The following MICAL3 variants were observed in gnomAD, a reference collection of about 807,000 sequenced individuals.
The protein encoded by MICAL3 is [F-actin]-monooxygenase MICAL3.
In MICAL3, 62 loss-of-function variants were observed where a neutral mutation model predicts 207.4. The observed-to-expected ratio is 0.30, with a 90% CI of 0.24 to 0.37. The LOEUF (loss-of-function observed/expected upper bound fraction) is 0.37. MICAL3 is among the 10% of genes least tolerant of loss of function. MICAL3 has a pLI of 1.00. For missense variants in MICAL3, 2,368 were observed against 2,635.6 expected (o/e 0.90, Z 2.22); for synonymous variants, 1,077 against 1,069.3 (o/e 1.01, Z -0.14).
intron 1 of MICAL3, among the ~76,000 whole-genome samples, chr22:17,930,980 C>T (rs1253720102): frequency 6.6e-6 from 1 of 152,222 alleles, no homozygotes; most frequent in Admixed American, 6.5e-5. Context: ...CAGCGCCTCC[C>T]AACGCCCCCT....
chr22:17,877,300 A>C (rs1928768993), intron 16 of MICAL3, among the ~76,000 whole-genome samples: 3 of 125,176 alleles, frequency 2.4e-5, no homozygotes, highest in Admixed American at 7.5e-5. Context: ...GAGGTTAGGG[A>C]GGTTATGGAG....
At chr22:18,006,889 C>G (rs1177307071) in intron 1 of MICAL3, among the ~76,000 whole-genome samples, 3 of 152,248 alleles carry the variant, frequency 2.0e-5, no homozygotes, top group African/African-American at 7.2e-5. Flanking sequence ...CGGAGTCCCT[C>G]TCAGCCACCC....
chr22:17,995,145 ACTT>A (rs1300650127), intron 1 of MICAL3, among the ~76,000 whole-genome samples: 1 of 151,980 alleles, frequency 6.6e-6, no homozygotes, highest in Non-Finnish European at 1.5e-5. Flanking sequence ...CAACAGTCTC[ACTT>A]CTTCTCTCTT....
intron 16 of MICAL3, among the ~76,000 whole-genome samples, chr22:17,880,728 G>C (rs1321893239): frequency 6.6e-6 from 1 of 152,184 alleles, no homozygotes; most frequent in South Asian, 2.1e-4. Context: ...CAAGTGCAGT[G>C]GGGAGGAGTG....
intron 16 of MICAL3, among the ~76,000 whole-genome samples, chr22:17,874,524 T>C (rs908182652): frequency 2.0e-5 from 3 of 152,188 alleles, no homozygotes; most frequent in African/African-American, 7.2e-5. Context: ...GAACTAAACC[T>C]GGGGCTGCCC....
intron 1 of MICAL3, among the ~76,000 whole-genome samples, chr22:17,932,510 C>A (rs991933074): frequency 5.9e-5 from 9 of 152,162 alleles, no homozygotes; most frequent in Non-Finnish European, 1.0e-4. Flanking sequence ...TCAGTACCAA[C>A]CAATGCAAAA....
At chr22:17,890,737 C>A (rs2146231375) in intron 12 of MICAL3, among the ~76,000 whole-genome samples, 1 of 152,268 alleles carries the variant, frequency 6.6e-6, no homozygotes, top group Middle Eastern at 3.4e-3. Context: ...TTAAGTGGAC[C>A]TAATGATGAA....
intron 24 of MICAL3, 69 bp from the exon 25 acceptor site, chr22:17,821,578 G>A: frequency 7.6e-7 from 1 of 1,309,498 alleles, no homozygotes; most frequent in Non-Finnish European, 1.1e-6. Flanking sequence ...ACCCCTATCA[G>A]CCAGCCCCAG....
Position 17,904,771 on chromosome 22 carries a change from C to G in MICAL3, c.333G>C (p.Lys111Asn). The G allele has an allele frequency of 6.2e-7, 1 of 1,613,990 alleles. No individual in the cohort carries two copies. The highest frequency in any genetic ancestry group is 8.5e-7 in the Non-Finnish European group (1 of 1,179,868). The change falls in exon 3 of 32, where the codon AAG (lysine) becomes AAC (asparagine). Residue 111 changes from lysine to asparagine, a missense_variant. Coordinates refer to ENST00000441493, the MANE Select transcript of MICAL3 (RefSeq NM_015241.3). ...CATCTCGTTTCTCAATAACAACCAC[C>G]TTGGCCCCCAGTAAGGATAAGTCGA... ...TAIDLSLLGA[K>N]VVVIEKRDAF...
At position 17,925,786 on chromosome 22, in the gene MICAL3, A is replaced by T. The variant is rs891984808; in HGVS notation, c.-74-18900T>A. Among the ~76,000 whole-genome samples the T allele has an allele frequency of 7.9e-5, 12 of 152,242 alleles. No homozygotes were observed. The South Asian group carries it at 1.0e-3, about 13-fold the overall frequency. On this transcript the variant is annotated intron_variant, in intron 1 of 31. Coordinates refer to ENST00000441493, the MANE Select transcript of MICAL3 (RefSeq NM_015241.3). ...GTGTCGGAAGGGTACTACTGCACAA[A>T]TCTCTCTTCACCATGACAGATCTTA...
At chr22:17,977,436 A>G (rs1251605200) in intron 1 of MICAL3, among the ~76,000 whole-genome samples, 2 of 152,200 alleles carry the variant, frequency 1.3e-5, no homozygotes, top group East Asian at 3.8e-4. Flanking sequence ...AAAGACGCCA[A>G]TAAGCACATG....
At chr22:17,955,426 T>C (rs923700829) in intron 1 of MICAL3, among the ~76,000 whole-genome samples, 2 of 152,188 alleles carry the variant, frequency 1.3e-5, no homozygotes, top group Admixed American at 1.3e-4. Context: ...ACAGGGAACC[T>C]TCCTCATGTC....
Position 17,976,529 on chromosome 22 carries a change from A to G in MICAL3, c.-75+47752T>C, listed in dbSNP as rs540797550. 1.0e-2 allele frequency among the ~76,000 whole-genome samples: 1,135 copies of G among 113,826 alleles called. 10 individuals are homozygous for G. Among genetic ancestry groups the G allele is most frequent in the African/African-American group, 0.031 (757 of 24,676 alleles). 74.7% of individuals were successfully genotyped at this position (113,826 alleles called of 152,430 possible). A position where few individuals can be genotyped will look rare whatever the true frequency, so the allele number is the denominator to read the frequency against. On this transcript the variant is annotated intron_variant, in intron 1 of 31. Transcript: ENST00000441493. ...ATAAAATATACATGTATATATGTGT[A>G]TATATATGTGTGTGTGTGTGTGTGT...
intron 1 of MICAL3, among the ~76,000 whole-genome samples, chr22:17,947,972 T>A (rs1386092657): frequency 3.5e-5 from 5 of 144,218 alleles, no homozygotes; most frequent in African/African-American, 1.0e-4. Context: ...AGCAAAAGTT[T>A]AAAAAAAAAA....
intron 13 of MICAL3, among the ~76,000 whole-genome samples, 164 bp downstream of exon 13, chr22:17,888,870 A>C (rs1161780457): frequency 6.6e-6 from 1 of 152,216 alleles, no homozygotes; most frequent in East Asian, 1.9e-4. Context: ...GAAGGGAGAA[A>C]CAATGAAGCA....
At chr22:17,801,165 T>C (rs1317329204) in intron 29 of MICAL3, among the ~76,000 whole-genome samples, 1 of 49,950 alleles carries the variant, frequency 2.0e-5, no homozygotes. Flanking sequence ...TTTTTTTTTT[T>C]TTTTTGAGAC....
At position 17,816,759 on chromosome 22, in the gene MICAL3, G is replaced by A. The variant is rs1921034832; in HGVS notation, c.5376C>T (p.Ser1792=). 1.3e-6 allele frequency: 2 copies of A among 1,551,178 alleles called. No individual in the cohort carries two copies. Among genetic ancestry groups the A allele is most frequent in the African/African-American group, 1.4e-5 (1 of 73,218 alleles). ...RAELQLRRQL[S]FSEDSDLSSD... ...TGGAGAGGTCTGAGTCCTCGGAGAAGCTCAGCTGGCGCCGGAGCTGCAGCT... is the reference window on the plus strand; with the variant it reads ...TGGAGAGGTCTGAGTCCTCGGAGAAACTCAGCTGGCGCCGGAGCTGCAGCT... The change falls in exon 27 of 32, where the codon AGC becomes AGT. Residue 1792 remains serine, a synonymous_variant. Transcript: ENST00000441493.
chr22:17,901,070 G>A (rs1602181255), intron 5 of MICAL3, 73 bp from the exon 6 acceptor site: 4 of 1,465,212 alleles, frequency 2.7e-6, no homozygotes, highest in East Asian at 2.3e-5. Flanking sequence ...TAAAGTGGGG[G>A]TGCTGATAAA....
At chr22:17,996,249 C>T (rs1333554528) in intron 1 of MICAL3, among the ~76,000 whole-genome samples, 1 of 151,444 alleles carries the variant, frequency 6.6e-6, no homozygotes, top group East Asian at 1.9e-4. Context: ...ACCATCCTGG[C>T]TAACACGGTG....
Sources: gnomAD v4.1 joint callset for allele counts (sites outside exome capture counted in the v4.1 genomes callset) on GRCh38, gnomAD v4.1.1 for gene constraint, MANE v1.5 for transcripts, NCBI Gene and HGNC (gene_info 2026-07-23, HGNC 2026-07-21) for gene names.